Variants in ACBD6 observed in about 807,000 individuals in gnomAD.
The protein encoded by ACBD6 is acyl-CoA binding domain containing 6, also known as acyl-CoA-binding domain-containing protein 6.
ACBD6 carries 28 observed loss-of-function variants against 37.2 expected under a neutral mutation model. The ratio of observed to expected loss-of-function variants is 0.75; its 90% CI spans 0.56 to 1.03. The LOEUF is 1.03. ACBD6 is among the 50% of genes least tolerant of loss of function. The pLI is 0.00. For missense variants in ACBD6, 340 were observed against 337.4 expected (o/e 1.01, Z -0.06); for synonymous variants, 113 against 126.8 (o/e 0.89, Z 0.73).
intron 5 of ACBD6, among the ~76,000 whole-genome samples, chr1:180,405,703 C>T (rs1179767984): frequency 2.0e-5 from 3 of 152,062 alleles, no homozygotes; most frequent in East Asian, 3.8e-4. Context: ...TGAGAAATAA[C>T]GTGTGACAAG....
At chr1:180,367,985 T>G (rs1653114498) in intron 6 of ACBD6, among the ~76,000 whole-genome samples, 1 of 152,168 alleles carries the variant, frequency 6.6e-6, no homozygotes, top group Non-Finnish European at 1.5e-5. Context: ...CCATAATGGT[T>G]GAACTAATTT....
At chr1:180,308,390 C>T (rs551694220) in intron 7 of ACBD6, among the ~76,000 whole-genome samples, 89 of 152,182 alleles carry the variant, frequency 5.8e-4, no homozygotes, top group African/African-American at 8.0e-4. Flanking sequence ...TCATTCTGGA[C>T]GAACTTTGTA....
In ACBD6 at chr1:180,308,141, A is replaced by AT. The variant is rs948411395; in HGVS notation, c.694+6550dup. On this transcript the variant is annotated intron_variant, in intron 7 of 7. Coordinates refer to ENST00000367595, the MANE Select transcript of ACBD6 (RefSeq NM_032360.4). ...AACTTATCCGCTGTAAAATTTCTGT[A>AT]TTTTTTTAATTTACATAAGTTCTAT... Among the ~76,000 whole-genome samples the AT allele has an allele frequency of 2.6e-5, 4 of 151,964 alleles. No homozygotes were observed. The East Asian group carries it at 5.8e-4, about 22-fold the overall frequency.
chr1:180,371,192 AAG>A (rs1242374659), intron 6 of ACBD6, among the ~76,000 whole-genome samples: 1 of 151,976 alleles, frequency 6.6e-6, no homozygotes, highest in East Asian at 1.9e-4. Context: ...ATAAGGAAAA[AAG>A]AGATCAAATA....
chr1:180,305,500 A>G (rs551594888), intron 7 of ACBD6, among the ~76,000 whole-genome samples: 1 of 152,338 alleles, frequency 6.6e-6, no homozygotes, highest in East Asian at 1.9e-4. Context: ...CACATGAAAA[A>G]ATGCTCATCA....
intron 7 of ACBD6, among the ~76,000 whole-genome samples, chr1:180,307,397 TA>T (rs1199574454): frequency 1.3e-5 from 2 of 152,114 alleles, no homozygotes; most frequent in African/African-American, 2.4e-5. Flanking sequence ...TGGGGATGGT[TA>T]ATGGGTACAA....
chr1:180,441,994 T>C, intron 3 of ACBD6, among the ~76,000 whole-genome samples: 1 of 152,248 alleles, frequency 6.6e-6, no homozygotes, highest in East Asian at 1.9e-4. Context: ...ATACCCATTA[T>C]GTTAAGTAAA....
chr1:180,342,609 CTAT>C (rs1652023872), intron 6 of ACBD6, among the ~76,000 whole-genome samples: 1 of 151,982 alleles, frequency 6.6e-6, no homozygotes, highest in Non-Finnish European at 1.5e-5. Flanking sequence ...AATACACTTA[CTAT>C]TATAATTATG....
Position 180,288,257 on chromosome 1 carries a change from A to T in ACBD6, c.*106T>A. Reference sequence around the variant, plus strand: ...CCAGTTCCACAGAACTGATTTTATTAGCCAATACATACCAAAGACGGGTGG... The same window carrying T: ...CCAGTTCCACAGAACTGATTTTATTTGCCAATACATACCAAAGACGGGTGG... On this transcript the variant is annotated 3_prime_UTR_variant, in exon 8 of 8. Coordinates refer to ENST00000367595, the MANE Select transcript of ACBD6 (RefSeq NM_032360.4). 6.7e-7 allele frequency: 1 copy of T among 1,490,084 alleles called. No individual in the cohort carries two copies. The highest frequency in any genetic ancestry group is 1.2e-5 in the South Asian group (1 of 85,148). 92.3% of individuals were successfully genotyped at this position (1,490,084 alleles called of 1,614,324 possible).
At chr1:180,394,430 T>C (rs917597203) in intron 6 of ACBD6, among the ~76,000 whole-genome samples, 5 of 151,514 alleles carry the variant, frequency 3.3e-5, no homozygotes, top group Non-Finnish European at 7.4e-5. Context: ...TTAGTGGTAA[T>C]AGTGGTTGGG....
At chr1:180,339,231 C>T (rs554266356) in intron 6 of ACBD6, among the ~76,000 whole-genome samples, 11 of 152,278 alleles carry the variant, frequency 7.2e-5, no homozygotes, top group African/African-American at 2.2e-4. Context: ...CACATGCACA[C>T]GTATGTTTAC....
At chr1:180,489,925 T>C (rs199633195) in intron 3 of ACBD6, among the ~76,000 whole-genome samples, 1 of 152,082 alleles carries the variant, frequency 6.6e-6, no homozygotes, top group Non-Finnish European at 1.5e-5. Flanking sequence ...TCCCAAAGTG[T>C]TGGGATTACA....
intron 1 of ACBD6, among the ~76,000 whole-genome samples, chr1:180,497,850 G>A (rs1480122169): frequency 1.3e-5 from 2 of 152,178 alleles, no homozygotes; most frequent in Non-Finnish European, 1.5e-5. Flanking sequence ...TTGTTAGAAA[G>A]AGAGAGAAGT....
intron 7 of ACBD6, 125 bp from the exon 8 acceptor site, chr1:180,288,642 C>T (rs1649580475): frequency 8.5e-7 from 1 of 1,170,542 alleles, no homozygotes. Flanking sequence ...GTTACAGTGA[C>T]TGAAGGATGG....
intron 1 of ACBD6, among the ~76,000 whole-genome samples, chr1:180,496,826 G>C (rs187251575): frequency 1.3e-5 from 2 of 152,028 alleles, no homozygotes; most frequent in Non-Finnish European, 2.9e-5. Flanking sequence ...GAACAATCAC[G>C]ATAGACCAAA....
At chr1:180,493,273 A>C (rs1197340445) in intron 2 of ACBD6, among the ~76,000 whole-genome samples, 1 of 136,034 alleles carries the variant, frequency 7.4e-6, no homozygotes, top group Non-Finnish European at 1.5e-5. Flanking sequence ...AAAAAAAAAA[A>C]AAAAACAACA....
intron 6 of ACBD6, among the ~76,000 whole-genome samples, chr1:180,393,085 G>GGT (rs1208270283): frequency 5.3e-5 from 8 of 151,874 alleles, no homozygotes; most frequent in Admixed American, 2.0e-4. Context: ...GTCAGAGAAG[G>GGT]GTGTGTGTGT....
intron 1 of ACBD6, among the ~76,000 whole-genome samples, chr1:180,501,201 C>T (rs772348592): frequency 6.6e-6 from 1 of 152,124 alleles, no homozygotes; most frequent in Non-Finnish European, 1.5e-5. Context: ...ATTATTTCCT[C>T]TGGTGTTCAT....
intron 7 of ACBD6, among the ~76,000 whole-genome samples, chr1:180,306,837 T>C (rs1650401267): frequency 2.0e-5 from 3 of 152,166 alleles, no homozygotes; most frequent in South Asian, 2.1e-4. Flanking sequence ...TTGGCTTTTA[T>C]CCAAAAGACA....
Sources: gnomAD v4.1 joint callset for allele counts (sites outside exome capture counted in the v4.1 genomes callset) on GRCh38, gnomAD v4.1.1 for gene constraint, MANE v1.5 for transcripts, NCBI Gene and HGNC (gene_info 2026-07-23, HGNC 2026-07-21) for gene names.